HCRTR1: variants seen among roughly 807,000 people sequenced by gnomAD.
HCRTR1 encodes hypocretin receptor 1.
In HCRTR1, 28 loss-of-function variants were observed where a neutral mutation model predicts 40.6. The observed-to-expected ratio is 0.69, with a 90% CI of 0.51 to 0.95. The LOEUF is 0.95. Ranked by LOEUF, HCRTR1 falls within the 40% of genes least tolerant of loss-of-function variation. The pLI is 0.00. For missense variants in HCRTR1, 482 were observed against 564.7 expected (o/e 0.85, Z 1.48); for synonymous variants, 209 against 230.0 (o/e 0.91, Z 0.83).
At chr1:31,624,968 T>C (rs375319405) in intron 7 of HCRTR1, 29 bp from the exon 8 acceptor site, 9 of 1,567,236 alleles carry the variant, frequency 5.7e-6, no homozygotes, top group Non-Finnish European at 7.8e-6. Context: ...AGCTACCCCA[T>C]TTCTGACGCT....
chr1:31,632,751 CAG>C (rs1487106785), downstream of HCRTR1: 17 of 1,289,036 alleles, frequency 1.3e-5, no homozygotes, highest in Non-Finnish European at 1.8e-5. Flanking sequence ...GGCGACTTCA[CAG>C]AACCAAGCCC....
At position 31,621,062 on chromosome 1, in the gene HCRTR1, T is replaced by A. The variant is rs751234904; in HGVS notation, c.598T>A (p.Ser200Thr). 5.0e-6 allele frequency: 8 copies of A among 1,609,630 alleles called. No individual in the cohort carries two copies. Among genetic ancestry groups the A allele is most frequent in the Middle Eastern group, 1.6e-4 (1 of 6,082 alleles). Residue 200 changes from serine to threonine, a missense_variant, in exon 5 of 9, where the codon TCA (serine) becomes ACA (threonine). Coordinates refer to ENST00000403528, the MANE Select transcript of HCRTR1 (RefSeq NM_001525.3). ...PELANRTRLF[S>T]VCDERWADDL... is the part of the protein sequence containing the mutation. ...GCTAGCCAACCGCACACGGCTCTTCTCAGTCTGTGATGAACGCTGGGCAGG... is the reference window on the plus strand; with the variant it reads ...GCTAGCCAACCGCACACGGCTCTTCACAGTCTGTGATGAACGCTGGGCAGG...
At chr1:31,627,685 G>T, downstream of HCRTR1, 1 of 278,322 alleles carries the variant, frequency 3.6e-6, no homozygotes, top group South Asian at 3.4e-5. Context: ...GGGGAAGCTG[G>T]GGGGAGGGAA....
chr1:31,632,454 T>A, downstream of HCRTR1: 1 of 1,614,134 alleles, frequency 6.2e-7, no homozygotes, highest in Non-Finnish European at 8.5e-7. Context: ...GAGAAGAGTC[T>A]AGCTCTGTCC....
downstream of HCRTR1, among the ~76,000 whole-genome samples, chr1:31,631,888 T>C (rs1284353601): frequency 6.6e-6 from 1 of 150,902 alleles, no homozygotes; most frequent in Non-Finnish European, 1.5e-5. Context: ...TGGGGAGCCC[T>C]TTCTCCCTCC....
intron 7 of HCRTR1, among the ~76,000 whole-genome samples, chr1:31,624,274 CATA>C: frequency 6.6e-6 from 1 of 152,138 alleles, no homozygotes; most frequent in African/African-American, 2.4e-5. Context: ...GCCCGGGCAA[CATA>C]ATGAGACTTC....
At chr1:31,622,624 G>A (rs148568212) in intron 6 of HCRTR1, among the ~76,000 whole-genome samples, 1 of 152,186 alleles carries the variant, frequency 6.6e-6, no homozygotes, top group African/African-American at 2.4e-5. Context: ...CATAGCTCAC[G>A]AATGGCTGAG....
downstream of HCRTR1, chr1:31,629,718 C>CTGGCAGTGGAGAGGAGCCCCACAT (rs1640041510): frequency 6.6e-6 from 1 of 152,312 alleles, no homozygotes; most frequent in Non-Finnish European, 1.5e-5. Context: ...CAACTTCCCT[C>CTGGCAGTGGAGAGGAGCCCCACAT]TGGCAGTGGA....
rs1393072383 is a variant in HCRTR1, at chr1:31,626,686, C to T, written c.1088-104C>T. 2.2e-6 allele frequency: 3 copies of T among 1,351,260 alleles called. No homozygotes were observed. The highest frequency in any genetic ancestry group is 3.0e-6 in the Non-Finnish European group (3 of 1,000,864). 83.7% of individuals were successfully genotyped at this position (1,351,260 alleles called of 1,614,324 possible). A position where few individuals can be genotyped will look rare whatever the true frequency, so the allele number is the denominator to read the frequency against. ...TCTATCCCTCCCTCCCTCCCCGCCC[C>T]CTCATAGGCAGCTTGGCTGGAGCTG... On this transcript the variant is annotated intron_variant, in intron 8 of 8. Coordinates refer to ENST00000403528, the MANE Select transcript of HCRTR1 (RefSeq NM_001525.3). The surrounding 1 kb of genome is among the most constrained non-coding windows in gnomAD (Gnocchi z 4.6).
In HCRTR1 at chr1:31,625,184, C is replaced by A; in HGVS notation, c.1087+66C>A. ...CAGTCCACATGACAAGTCTCCCCATCCCCAAGCCAGGGCCCAAATAAAGGA... is the reference window on the plus strand; with the variant it reads ...CAGTCCACATGACAAGTCTCCCCATACCCAAGCCAGGGCCCAAATAAAGGA... On this transcript the variant is annotated intron_variant, in intron 8 of 8. Coordinates refer to ENST00000403528, the MANE Select transcript of HCRTR1 (RefSeq NM_001525.3). This position sits in a 1 kb window ranked among gnomAD's most constrained non-coding sequence, Gnocchi z 4.2. 6.8e-7 allele frequency: 1 copy of A among 1,478,394 alleles called. No individual in the cohort carries two copies. Among genetic ancestry groups the A allele is most frequent in the Non-Finnish European group, 9.1e-7 (1 of 1,100,714 alleles). The allele number at this position is 1,478,394 out of a possible 1,614,324, so 91.6% of individuals were successfully genotyped here.
downstream of HCRTR1, chr1:31,633,415 A>G (rs908221325): frequency 3.2e-6 from 4 of 1,261,722 alleles, no homozygotes; most frequent in Admixed American, 2.8e-5. Flanking sequence ...AGCTTCACAA[A>G]TTCACCTTCC....
chr1:31,627,814 C>A (rs544714330), downstream of HCRTR1, among the ~76,000 whole-genome samples: 32 of 152,294 alleles, frequency 2.1e-4, no homozygotes, highest in African/African-American at 6.5e-4. Context: ...CGGTGCCAAT[C>A]CTGTGACGCC....
At chr1:31,628,162 C>G (rs1640016402), downstream of HCRTR1, among the ~76,000 whole-genome samples, 1 of 152,246 alleles carries the variant, frequency 6.6e-6, no homozygotes, top group African/African-American at 2.4e-5. Flanking sequence ...TGCATACCAC[C>G]AGGTCTGCTT....
chr1:31,628,417 T>C (rs1318200178), downstream of HCRTR1, among the ~76,000 whole-genome samples: 1 of 152,214 alleles, frequency 6.6e-6, no homozygotes, highest in African/African-American at 2.4e-5. Flanking sequence ...TGGGCTCTCC[T>C]GCCCATTCCA....
downstream of HCRTR1, among the ~76,000 whole-genome samples, chr1:31,629,176 A>T (rs1201911077): frequency 1.3e-5 from 2 of 152,218 alleles, no homozygotes. Context: ...GCACTACAGC[A>T]GCCCAGAGGA....
Position 31,627,440 on chromosome 1 carries a change from G to A in HCRTR1, c.*460G>A, listed in dbSNP as rs776586176. 7.8e-5 allele frequency: 84 copies of A among 1,075,470 alleles called. No individual in the cohort carries two copies. The highest frequency in any genetic ancestry group is 9.6e-5 in the Non-Finnish European group (76 of 792,442). 66.6% of individuals were successfully genotyped at this position (1,075,470 alleles called of 1,614,324 possible). On this transcript the variant is annotated 3_prime_UTR_variant, in exon 9 of 9. Transcript: ENST00000403528. The stretch of plus-strand genomic sequence containing the variant: ...TCTGATGCCTGTGTGAACTAATCTG[G>A]GCCCAGCCTTTCTCCAGCGGGCCAC...
chr1:31,627,231 T>C lies in HCRTR1; in HGVS notation c.*251T>C, dbSNP rs201733635. ...GGACATGATTATTGTTGTACTTCTC[T>C]CATTTGGCCATACCCCACAGTATAA... On this transcript the variant is annotated 3_prime_UTR_variant, in exon 9 of 9. Coordinates refer to ENST00000403528, the MANE Select transcript of HCRTR1 (RefSeq NM_001525.3). 3.0e-5 allele frequency: 44 copies of C among 1,491,478 alleles called. No homozygotes were observed. The highest frequency in any genetic ancestry group is 3.8e-5 in the Non-Finnish European group (42 of 1,118,720). The allele number at this position is 1,491,478 out of a possible 1,614,324, so 92.4% of individuals were successfully genotyped here. A position where few individuals can be genotyped will look rare whatever the true frequency, so the allele number is the denominator to read the frequency against.
rs1449721121 is a variant in HCRTR1 at position 31,624,360 on chromosome 1, G to A, written c.965+611G>A. On this transcript the variant is annotated intron_variant, in intron 7 of 8. Transcript: ENST00000403528. The stretch of plus-strand genomic sequence containing the variant: ...TGTAGTTCTAGCTACACAGACTGAG[G>A]TGGAAGAATAGCTTGAGCCCAGGAG... Among the ~76,000 whole-genome samples the A allele has an allele frequency of 2.7e-5, 4 of 149,698 alleles. No individual in the cohort carries two copies. The East Asian group carries it at 8.0e-4, about 30-fold the overall frequency.
chr1:31,625,407 C>A lies in HCRTR1; in HGVS notation c.1087+289C>A, dbSNP rs1639954969. ...GGCCAGCTCACCCCCAACTCCCACC[C>A]TGGGTGCAGGCACAGCAAGACCTCC... On this transcript the variant is annotated intron_variant, in intron 8 of 8. Coordinates refer to ENST00000403528, the MANE Select transcript of HCRTR1 (RefSeq NM_001525.3). The surrounding 1 kb of genome is among the most constrained non-coding windows in gnomAD (Gnocchi z 4.2). Among the ~76,000 whole-genome samples, 1 of 152,234 alleles carries A rather than the reference C, an allele frequency of 6.6e-6. No homozygotes were observed. Among genetic ancestry groups the A allele is most frequent in the African/African-American group, 2.4e-5 (1 of 41,468 alleles).
Sources: allele counts gnomAD v4.1 joint callset (sites outside exome capture counted in the v4.1 genomes callset), GRCh38; gene constraint gnomAD v4.1.1; non-coding constraint Gnocchi (gnomAD v3.1); transcripts MANE v1.5; gene names NCBI Gene and HGNC (gene_info 2026-07-23, HGNC 2026-07-21).